The following ANAPC4 variants were observed in gnomAD, a reference collection of about 807,000 sequenced individuals.
ANAPC4 encodes the protein anaphase-promoting complex subunit 4.
ANAPC4 carries 63 observed loss-of-function variants against 119.8 expected under a neutral mutation model. The ratio of observed to expected loss-of-function variants is 0.53; its 90% CI spans 0.43 to 0.65. ANAPC4 has a LOEUF of 0.65. Among genes scored for constraint, ANAPC4 ranks in the 30% least tolerant of loss-of-function variants. ANAPC4 has a pLI of 0.00. For missense variants in ANAPC4, 716 were observed against 945.1 expected (o/e 0.76, Z 3.18); for synonymous variants, 283 against 318.6 (o/e 0.89, Z 1.19).
chr4:25,417,360 A>T, intron 27 of ANAPC4: 1 of 241,446 alleles, frequency 4.1e-6, no homozygotes, highest in Non-Finnish European at 7.9e-6. Flanking sequence ...GACTCAAGCA[A>T]TCCTCCCACC....
At chr4:25,389,444 A>G (rs1253441363) in intron 7 of ANAPC4, among the ~76,000 whole-genome samples, 4 of 151,540 alleles carry the variant, frequency 2.6e-5, no homozygotes, top group Admixed American at 2.0e-4. Context: ...GGCGTGAGCC[A>G]CCGCGCCTGG....
chr4:25,402,746 A>T (rs533530879), intron 16 of ANAPC4, among the ~76,000 whole-genome samples: 1 of 152,322 alleles, frequency 6.6e-6, no homozygotes, highest in Non-Finnish European at 1.5e-5. Flanking sequence ...ACCAGTTGGA[A>T]TCTAAGTTAT....
At chr4:25,396,229 C>T (rs755188197) in intron 14 of ANAPC4, among the ~76,000 whole-genome samples, 23 of 152,190 alleles carry the variant, frequency 1.5e-4, no homozygotes, top group Non-Finnish European at 2.4e-4. Flanking sequence ...TATGACTATG[C>T]GATCATGACT....
At chr4:25,411,171 A>G (rs1010333056) in intron 21 of ANAPC4, among the ~76,000 whole-genome samples, 11 of 152,156 alleles carry the variant, frequency 7.2e-5, no homozygotes, top group Admixed American at 5.9e-4. Context: ...TGGAGGGAGG[A>G]TAAAGGTACA....
intron 4 of ANAPC4, among the ~76,000 whole-genome samples, chr4:25,386,372 C>T (rs1249579110): frequency 5.9e-5 from 9 of 151,928 alleles, no homozygotes; most frequent in Non-Finnish European, 1.2e-4. Flanking sequence ...GCCACCATGC[C>T]CAGCTAATTT....
At chr4:25,394,021 G>T in intron 11 of ANAPC4, 130 bp downstream of exon 11, 1 of 801,968 alleles carries the variant, frequency 1.2e-6, no homozygotes. Flanking sequence ...AAATGGCTTC[G>T]TCTGACTTCA....
chr4:25,382,391 C>T (rs955607395), intron 3 of ANAPC4, among the ~76,000 whole-genome samples: 1 of 152,148 alleles, frequency 6.6e-6, no homozygotes, highest in Non-Finnish European at 1.5e-5. Context: ...ATTCTGTAGT[C>T]ATTTTGCTTG....
chr4:25,418,308 C>T lies in ANAPC4; in HGVS notation c.2353C>T (p.Gln785Ter), dbSNP rs146675413. The T allele has an allele frequency of 1.9e-6, 3 of 1,613,916 alleles. No individual in the cohort carries two copies. The highest frequency in any genetic ancestry group is 1.7e-6 in the Non-Finnish European group (2 of 1,179,962). The change falls in exon 29 of 29, where the codon CAA (glutamine) becomes TAA (stop). Residue 785 changes from glutamine to a stop codon, truncating the protein, a stop_gained. Transcript: ENST00000315368. LOFTEE classifies it low-confidence loss of function (END_TRUNC). ...VLSESEAENQ[Q>*]AGAAALAPEI... ...GTCGGAGTCAGAGGCAGAGAACCAA[C>T]AAGCTGGTGCTGCCGCTTTAGCTCC...
At chr4:25,379,554 A>G (rs560264568) in intron 2 of ANAPC4, among the ~76,000 whole-genome samples, 2 of 152,342 alleles carry the variant, frequency 1.3e-5, no homozygotes, top group Admixed American at 1.3e-4. Context: ...GCAAGGCTGC[A>G]GGGAAGCATT....
chr4:25,417,036 A>G (rs1020623039), intron 27 of ANAPC4: 1 of 153,534 alleles, frequency 6.5e-6, no homozygotes, highest in African/African-American at 2.4e-5. Flanking sequence ...GCAGATCTCT[A>G]ATTTAAAAAT....
chr4:25,413,072 TC>T (rs1203680139), intron 21 of ANAPC4: 2 of 152,022 alleles, frequency 1.3e-5, no homozygotes, highest in African/African-American at 4.8e-5. Context: ...ATTTTTTTTT[TC>T]ATCTGTAAAT....
At position 25,388,891 on chromosome 4, in the gene ANAPC4, TAC is replaced by T; in HGVS notation, c.515+11_515+12del. 1.9e-6 allele frequency: 3 copies of T among 1,576,624 alleles called. No homozygotes were observed. The highest frequency in any genetic ancestry group is 2.6e-6 in the Non-Finnish European group (3 of 1,155,188). On this transcript the variant is annotated intron_variant, in intron 7 of 28. Coordinates refer to ENST00000315368, the MANE Select transcript of ANAPC4 (RefSeq NM_013367.3). ...CTCTTGGGAGACGTCAGGTAAATCT[TAC>T]AGATAAATAAGTCTAATTTCTTAAA...
At chr4:25,391,460 A>G (rs2109120000) in intron 9 of ANAPC4, among the ~76,000 whole-genome samples, 1 of 152,372 alleles carries the variant, frequency 6.6e-6, no homozygotes, top group Non-Finnish European at 1.5e-5. Flanking sequence ...ACACACAAAT[A>G]CTTCAGAACT....
At chr4:25,418,102 A>G (rs1211290118) in intron 28 of ANAPC4, 53 bp from the exon 29 acceptor site, 2 of 1,459,040 alleles carry the variant, frequency 1.4e-6, no homozygotes, top group African/African-American at 1.4e-5. Context: ...CTAATTCTTT[A>G]TATATGATAA....
At chr4:25,402,109 C>A (rs1208727043) in intron 16 of ANAPC4, among the ~76,000 whole-genome samples, 8 of 152,082 alleles carry the variant, frequency 5.3e-5, no homozygotes, top group Non-Finnish European at 7.4e-5. Flanking sequence ...AACTTTTTTT[C>A]TTTCTCTTAT....
At chr4:25,413,056 A>G (rs1328738477) in intron 21 of ANAPC4, 1 of 151,868 alleles carries the variant, frequency 6.6e-6, no homozygotes, top group East Asian at 2.0e-4. Context: ...AAACCTGTTA[A>G]GCTTCATTTT....
At position 25,406,916 on chromosome 4, in the gene ANAPC4, TA is replaced by T. The variant is rs751422085; in HGVS notation, c.1374+40del. 403 of 1,473,252 alleles carry T rather than the reference TA, an allele frequency of 2.7e-4. 1 individual carries two copies. The highest frequency in any genetic ancestry group is 5.4e-4 in the South Asian group (43 of 79,600). 91.3% of individuals were successfully genotyped at this position (1,473,252 alleles called of 1,614,324 possible). On this transcript the variant is annotated intron_variant, in intron 19 of 28. Coordinates refer to ENST00000315368, the MANE Select transcript of ANAPC4 (RefSeq NM_013367.3). ...AAGTTGATATTTCTGTAATGCAGTTTAAAAAAAAATTACAGTAAACCTGGAT... is the reference window on the plus strand; with the variant it reads ...AAGTTGATATTTCTGTAATGCAGTTTAAAAAAAATTACAGTAAACCTGGAT...
intron 16 of ANAPC4, among the ~76,000 whole-genome samples, chr4:25,402,087 A>G (rs554509357): frequency 6.6e-6 from 1 of 152,278 alleles, no homozygotes; most frequent in East Asian, 1.9e-4. Context: ...GAACATATTG[A>G]CTGCACAAAG....
Position 25,418,247 on chromosome 4 carries a change from C to A in ANAPC4, c.2292C>A (p.Ala764=). The change falls in exon 29 of 29, where the codon GCC becomes GCA. Residue 764 remains alanine, a synonymous_variant. Coordinates refer to ENST00000315368, the MANE Select transcript of ANAPC4 (RefSeq NM_013367.3). ...AGTCTTCAGATGAAGAGGAGGAGGCCAGTAATAAGCCTGTAAAAATAAAGG... is the reference window on the plus strand; with the variant it reads ...AGTCTTCAGATGAAGAGGAGGAGGCAAGTAATAAGCCTGTAAAAATAAAGG... ...LDESSDEEEE[A]SNKPVKIKEE... The A allele has an allele frequency of 6.2e-7, 1 of 1,613,920 alleles. No individual in the cohort carries two copies. The highest frequency in any genetic ancestry group is 8.5e-7 in the Non-Finnish European group (1 of 1,179,950).
Sources: allele counts gnomAD v4.1 joint callset (sites outside exome capture counted in the v4.1 genomes callset), GRCh38; gene constraint gnomAD v4.1.1; transcripts MANE v1.5; gene names NCBI Gene and HGNC (gene_info 2026-07-23, HGNC 2026-07-21).